The following TADA3 variants were observed in gnomAD, a reference collection of about 807,000 sequenced individuals.
TADA3 encodes the protein transcriptional adapter 3.
Under a neutral mutation model 43.2 loss-of-function variants are expected in TADA3, and 25 were observed. That is an observed-to-expected ratio of 0.58 (90% CI 0.42 to 0.81). TADA3 has a LOEUF of 0.81. Among genes scored for constraint, TADA3 ranks in the 30% least tolerant of loss-of-function variants. The probability of loss-of-function intolerance (pLI) is 0.00; values close to 1 mark genes in which losing one functional copy is unlikely to be tolerated. For missense variants in TADA3, 441 were observed against 567.8 expected, an observed-to-expected ratio of 0.78 and a Z score of 2.27; for synonymous variants, 235 against 225.5, an observed-to-expected ratio of 1.04 and a Z score of -0.38.
rs547928119 is a variant in TADA3 at position 9,788,719 on chromosome 3, T to C, written c.564+790A>G. On this transcript the variant is annotated intron_variant, in intron 4 of 8. Transcript: ENST00000301964. ...CGTGCCAGGCTAATTTTTGTATTTT[T>C]AGTAGAGACGGCGTTTCACCATGTT... 5.3e-5 allele frequency among the ~76,000 whole-genome samples: 8 copies of C among 152,170 alleles called. No homozygotes were observed. The South Asian group carries it at 1.5e-3, about 28-fold the overall frequency.
intron 8 of TADA3, chr3:9,783,207 T>C (rs2078520700): frequency 6.6e-6 from 1 of 152,012 alleles, no homozygotes; most frequent in Non-Finnish European, 1.5e-5. Flanking sequence ...AACAAAACTT[T>C]GGGGATAAAA....
Position 9,784,053 on chromosome 3 carries a change from G to C in TADA3, c.1081C>G (p.Arg361Gly). The C allele has an allele frequency of 6.2e-7, 1 of 1,614,084 alleles. No homozygotes were observed. Among genetic ancestry groups the C allele is most frequent in the Non-Finnish European group, 8.5e-7 (1 of 1,179,970 alleles). Residue 361 changes from arginine (R) to glycine (G), a missense_variant, in exon 8 of 9, where the codon CGC (arginine) becomes GGC (glycine). Arg to Gly is a moderately radical substitution (Grantham distance 125). Coordinates refer to ENST00000301964, the MANE Select transcript of TADA3 (RefSeq NM_006354.5). ...AELKALSAHN[R>G]TKKHDLLRLA... ...CTCAGCAGGTCGTGCTTCTTGGTGC[G>C]GTTGTGGGCACTAAGTGCCTTCAGC...
upstream of TADA3, chr3:9,792,661 G>C (rs2078767973): frequency 8.1e-7 from 1 of 1,232,346 alleles, no homozygotes; most frequent in African/African-American, 1.6e-5. Flanking sequence ...TGGCGGCCGA[G>C]ATCTCCGCGC....
chr3:9,789,349 C>G (rs775786411), intron 4 of TADA3, among the ~76,000 whole-genome samples, 160 bp downstream of exon 4: 29 of 152,100 alleles, frequency 1.9e-4, no homozygotes, highest in Non-Finnish European at 3.5e-4. Flanking sequence ...ACGGAGAAAG[C>G]TGAGTTTGGG....
chr3:9,784,681 A>G (rs960423192), intron 7 of TADA3, among the ~76,000 whole-genome samples: 15 of 152,022 alleles, frequency 9.9e-5, no homozygotes, highest in Non-Finnish European at 1.9e-4. Context: ...CCCGGCCAAG[A>G]TGGTGAAACC....
rs1481841452 is a variant in TADA3 at position 9,780,270 on chromosome 3, G to A, written c.*87C>T. The A allele has an allele frequency of 4.2e-6, 6 of 1,415,812 alleles. No individual in the cohort carries two copies. The highest frequency in any genetic ancestry group is 9.6e-7 in the Non-Finnish European group (1 of 1,042,208). 87.7% of individuals were successfully genotyped at this position (1,415,812 alleles called of 1,614,324 possible). ...TGCCGCCATTTGAGGGACAGCCACA[G>A]GCCAATGTTTCCTGTGCCCAAAGAA... On this transcript the variant is annotated 3_prime_UTR_variant, in exon 9 of 9. Transcript: ENST00000301964.
chr3:9,792,555 A>G, upstream of TADA3: 1 of 1,226,378 alleles, frequency 8.2e-7, no homozygotes, highest in Non-Finnish European at 1.0e-6. Flanking sequence ...CGGGGGTGGG[A>G]AGAAGGTGGG....
At chr3:9,784,262 G>A in intron 7 of TADA3, 49 bp from the exon 8 acceptor site, 1 of 1,572,384 alleles carries the variant, frequency 6.4e-7, no homozygotes, top group South Asian at 1.1e-5. Flanking sequence ...CTTGGAGAAG[G>A]GCCCACCTTG....
chr3:9,788,838 CTTT>C (rs754997174), intron 4 of TADA3, among the ~76,000 whole-genome samples: 3 of 143,012 alleles, frequency 2.1e-5, no homozygotes, highest in African/African-American at 2.6e-5. Context: ...ACTTTTATAT[CTTT>C]TTTTTTTTTT....
intron 2 of TADA3, 100 bp from the exon 3 acceptor site, chr3:9,790,063 C>T: frequency 7.1e-7 from 1 of 1,400,110 alleles, no homozygotes; most frequent in Non-Finnish European, 9.4e-7. Flanking sequence ...ACAGAGGCTC[C>T]TGGGTCTTTC....
upstream of TADA3, chr3:9,792,875 T>A: frequency 7.2e-7 from 1 of 1,385,848 alleles, no homozygotes; most frequent in Non-Finnish European, 9.3e-7. Flanking sequence ...AAAGGGAAGC[T>A]GCACCCATTC....
chr3:9,785,612 C>T (rs923748903), intron 6 of TADA3, among the ~76,000 whole-genome samples, 187 bp from the exon 7 acceptor site: 2 of 152,196 alleles, frequency 1.3e-5, no homozygotes, highest in Admixed American at 1.3e-4. Context: ...CTTTTATTTT[C>T]GTACTGATGT....
intron 6 of TADA3, among the ~76,000 whole-genome samples, 166 bp downstream of exon 6, chr3:9,786,840 T>G (rs572914023): frequency 8.8e-4 from 134 of 152,366 alleles, no homozygotes; most frequent in African/African-American, 3.2e-3. Context: ...GCACAAGTTA[T>G]ATATTATTCC....
At chr3:9,792,793 A>G (rs2078774015), upstream of TADA3, 3 of 1,265,154 alleles carry the variant, frequency 2.4e-6, no homozygotes, top group South Asian at 2.8e-5. Context: ...TTGGTGCCCA[A>G]TCTGAAGCTG....
At chr3:9,787,541 T>TC (rs1405462274) in intron 4 of TADA3, 3 of 983,678 alleles carry the variant, frequency 3.0e-6, no homozygotes, top group Non-Finnish European at 4.4e-6. Context: ...CAAAAAGAAC[T>TC]AAGACACACA....
intron 7 of TADA3, 119 bp downstream of exon 7, chr3:9,785,197 A>G (rs1026789353): frequency 8.6e-6 from 6 of 697,470 alleles, no homozygotes; most frequent in Non-Finnish European, 1.2e-5. Context: ...TGAGACTGCT[A>G]TTAGGCTTCA....
Position 9,781,564 on chromosome 3 carries a change from GC to G in TADA3, c.1107-1016del, listed in dbSNP as rs1490480699. On this transcript the variant is annotated intron_variant, in intron 8 of 8. Coordinates refer to ENST00000301964, the MANE Select transcript of TADA3 (RefSeq NM_006354.5). ...CTTACGTCGGCATCTGCATTCCAGA[GC>G]CCCCTAAGGTCTAGGCAGCCTGAGG... The G allele has an allele frequency of 1.1e-5, 5 of 456,632 alleles. No homozygotes were observed. In the East Asian group the frequency reaches 3.5e-4, roughly 32 times the overall value. The allele number at this position is 456,632 out of a possible 1,614,324, so 28.3% of individuals were successfully genotyped here.
In TADA3 at chr3:9,789,548, C is replaced by T. The variant is rs1173418745; in HGVS notation, c.525G>A (p.Glu175=). 1 of 1,614,170 alleles carries T rather than the reference C, an allele frequency of 6.2e-7. No individual in the cohort carries two copies. Among genetic ancestry groups the T allele is most frequent in the Non-Finnish European group, 8.5e-7 (1 of 1,180,022 alleles). ...CCTCATCTTCTGGGGGCTTCAGTAA[C>T]TCCTCAAGTGTGCGGACCTCCTCGC... is the stretch of plus-strand genomic sequence containing the variant. ...ITSEEVRTLE[E]LLKPPEDEAE... Residue 175 remains glutamate (E), a synonymous_variant, in exon 4 of 9, where the codon GAG becomes GAA. Coordinates refer to ENST00000301964, the MANE Select transcript of TADA3 (RefSeq NM_006354.5).
intron 1 of TADA3, among the ~76,000 whole-genome samples, chr3:9,791,913 C>CT (rs771653389): frequency 2.0e-5 from 3 of 152,172 alleles, no homozygotes; most frequent in Admixed American, 1.3e-4. Context: ...TCTGCTAAGA[C>CT]TTTGAGTTCC....
Sources: gnomAD v4.1 joint callset for allele counts (sites outside exome capture counted in the v4.1 genomes callset) on GRCh38, gnomAD v4.1.1 for gene constraint, MANE v1.5 for transcripts, NCBI Gene and HGNC (gene_info 2026-07-23, HGNC 2026-07-21) for gene names.